Variants in ZNF208 observed in about 807,000 individuals in gnomAD.
ZNF208 encodes zinc finger protein 95.
A neutral mutation model predicts 12.1 loss-of-function variants in ZNF208; 10 were observed. The observed-to-expected ratio is 0.83, with a 90% CI of 0.51 to 1.40. ZNF208 has a LOEUF of 1.40. ZNF208 is among the 40% of genes most tolerant of loss of function. ZNF208 has a pLI of 0.00. For missense variants in ZNF208, 1,652 were observed against 1,485.0 expected (o/e 1.11, Z -1.85); for synonymous variants, 497 against 488.4 (o/e 1.02, Z -0.23).
At chr19:21,961,580 G>A (rs893739327), downstream of ZNF208, among the ~76,000 whole-genome samples, 1 of 152,026 alleles carries the variant, frequency 6.6e-6, no homozygotes, top group Non-Finnish European at 1.5e-5. Flanking sequence ...ACCCTAATAA[G>A]CCTGAGGGTA....
chr19:21,950,283 GC>G (rs1028637259), intron 4 of ZNF208, among the ~76,000 whole-genome samples: 2 of 151,980 alleles, frequency 1.3e-5, no homozygotes, highest in African/African-American at 2.4e-5. Flanking sequence ...CACTGTTGAT[GC>G]AAGCATAGAA....
At chr19:21,959,544 A>AT (rs1970030678) in intron 4 of ZNF208, among the ~76,000 whole-genome samples, 2 of 152,232 alleles carry the variant, frequency 1.3e-5, no homozygotes, top group African/African-American at 4.8e-5. Context: ...GGAGAAGACC[A>AT]GCTCAGCACA....
chr19:21,991,602 T>G (rs1970735097), intron 1 of ZNF208: 1 of 152,058 alleles, frequency 6.6e-6, no homozygotes, highest in African/African-American at 2.4e-5. Flanking sequence ...TAGCCAGGCA[T>G]GGTGGCGCAT....
intron 2 of ZNF208, among the ~76,000 whole-genome samples, chr19:21,987,634 C>T (rs1342661731): frequency 6.6e-6 from 1 of 152,150 alleles, no homozygotes; most frequent in African/African-American, 2.4e-5. Context: ...CTTTGAAGCA[C>T]TGGAATGTGG....
chr19:21,974,681 G>C lies in ZNF208; in HGVS notation c.353C>G (p.Thr118Ser). Residue 118 changes from threonine (T) to serine (S), a missense_variant, in exon 4 of 4, where the codon ACC becomes AGC. Thr to Ser is a moderately conservative substitution (Grantham distance 58). Coordinates refer to ENST00000397126, the MANE Select transcript of ZNF208 (RefSeq NM_007153.3). ...GTGCACCTTACACTCATCCACATTGGTATAACCAATTTTTAAGTGTAAATT... is the reference window on the plus strand; with the variant it reads ...GTGCACCTTACACTCATCCACATTGCTATAACCAATTTTTAAGTGTAAATT... ...HENLHLKIGY[T>S]NVDECKVHKE... 6.2e-7 allele frequency: 1 copy of C among 1,613,476 alleles called. No individual in the cohort carries two copies. Among genetic ancestry groups the C allele is most frequent in the Admixed American group, 1.7e-5 (1 of 59,960 alleles).
chr19:22,004,425 A>G (rs943682893), intron 1 of ZNF208, among the ~76,000 whole-genome samples: 12 of 152,036 alleles, frequency 7.9e-5, no homozygotes, highest in Non-Finnish European at 1.8e-4. Flanking sequence ...CTGTGGCAGA[A>G]TTGCTTGAAC....
At chr19:21,996,655 T>C (rs1970840224) in intron 1 of ZNF208, among the ~76,000 whole-genome samples, 3 of 152,184 alleles carry the variant, frequency 2.0e-5, no homozygotes, top group South Asian at 4.1e-4. Flanking sequence ...AGGTGTTACC[T>C]GAACATTTGT....
In ZNF208 at chr19:21,946,343, A is replaced by C. The variant is rs569157774; in HGVS notation, c.306-13106T>G. 5.3e-5 allele frequency among the ~76,000 whole-genome samples: 8 copies of C among 152,288 alleles called. 1 individual carries two copies. In the South Asian group the frequency reaches 1.7e-3, roughly 32 times the overall value. On this transcript the variant is annotated intron_variant, in intron 4 of 4. Coordinates refer to the ZNF208 transcript ENST00000599916. The stretch of plus-strand genomic sequence containing the variant: ...CTGATTGGTCTCAGGCCAAGGCCCC[A>C]GGCAAAGCTGAGTCACACATTCTCT...
intron 3 of ZNF208, among the ~76,000 whole-genome samples, chr19:21,981,651 A>C (rs1018618143): frequency 2.6e-5 from 4 of 152,158 alleles, no homozygotes; most frequent in African/African-American, 4.8e-5. Context: ...ACTGGCACAA[A>C]ACAGGGATGC....
At chr19:21,965,211 T>C (rs1178176493), downstream of ZNF208, among the ~76,000 whole-genome samples, 1 of 152,056 alleles carries the variant, frequency 6.6e-6, no homozygotes, top group Non-Finnish European at 1.5e-5. Flanking sequence ...AATCAGAAAC[T>C]ATAAATTTTT....
intron 1 of ZNF208, among the ~76,000 whole-genome samples, chr19:21,992,293 A>G (rs1970754795): frequency 6.6e-6 from 1 of 152,260 alleles, no homozygotes; most frequent in Non-Finnish European, 1.5e-5. Context: ...AGAAGGACGC[A>G]GCATTACTGC....
intron 3 of ZNF208, among the ~76,000 whole-genome samples, chr19:21,978,325 T>A (rs1281495526): frequency 6.6e-6 from 1 of 152,134 alleles, no homozygotes; most frequent in Non-Finnish European, 1.5e-5. Context: ...ACAAGAGAGC[T>A]CTGGCTGGCA....
At chr19:22,005,446 G>A (rs1431478994) in intron 1 of ZNF208, among the ~76,000 whole-genome samples, 1 of 152,066 alleles carries the variant, frequency 6.6e-6, no homozygotes, top group Non-Finnish European at 1.5e-5. Context: ...TCCAGGCCAG[G>A]AGTCTGTGAT....
In ZNF208 at chr19:22,006,644, G is replaced by A. The variant is rs1263212655; in HGVS notation, c.3+4148C>T. Among the ~76,000 whole-genome samples, 3 of 152,154 alleles carry A rather than the reference G, an allele frequency of 2.0e-5. No homozygotes were observed. The East Asian group carries it at 5.8e-4, about 29-fold the overall frequency. ...GGACATCTGCAGGAAAGGCTTTCCA[G>A]AAGGAACTAACTGGGCCTTTAATAA... On this transcript the variant is annotated intron_variant, in intron 1 of 3. Coordinates refer to ENST00000397126, the MANE Select transcript of ZNF208 (RefSeq NM_007153.3).
At chr19:22,001,989 G>C (rs868037388) in intron 1 of ZNF208, among the ~76,000 whole-genome samples, 1 of 146,840 alleles carries the variant, frequency 6.8e-6, no homozygotes, top group Admixed American at 6.9e-5. Flanking sequence ...ATATCAAAAA[G>C]CTAACCCACT....
In ZNF208 at chr19:21,973,529, C is replaced by T; in HGVS notation, c.1505G>A (p.Cys502Tyr). ...TGAGGACCAGTTGAAAGCTTTGCCACATTCTTCACATTTGTAGGGTTTCTC... is the reference window on the plus strand; with the variant it reads ...TGAGGACCAGTTGAAAGCTTTGCCATATTCTTCACATTTGTAGGGTTTCTC... The part of the protein sequence containing the change: ...AGEKPYKCEE[C>Y]GKAFNWSSNL... The change falls in exon 4 of 4, where the codon TGT (cysteine) becomes TAT (tyrosine). Residue 502 changes from cysteine to tyrosine, a missense_variant. This residue lies in a region of ZNF208 where 1,239 missense variants were observed against 1,086.2 expected (regional missense o/e 1.14). Transcript: ENST00000397126. 4.3e-6 allele frequency: 7 copies of T among 1,613,306 alleles called. No homozygotes were observed. Among genetic ancestry groups the T allele is most frequent in the Non-Finnish European group, 5.9e-6 (7 of 1,179,844 alleles).
At chr19:21,955,673 C>G (rs1298919664) in intron 4 of ZNF208, among the ~76,000 whole-genome samples, 1 of 152,158 alleles carries the variant, frequency 6.6e-6, no homozygotes, top group Non-Finnish European at 1.5e-5. Flanking sequence ...AGGTTTTCAG[C>G]TTCATTAGGT....
chr19:22,000,767 G>A (rs1033118136), intron 1 of ZNF208, among the ~76,000 whole-genome samples: 1 of 151,804 alleles, frequency 6.6e-6, no homozygotes, highest in African/African-American at 2.4e-5. Flanking sequence ...AGAGATCCAG[G>A]TATAAAATCT....
At chr19:22,000,994 A>AC (rs1241176197) in intron 1 of ZNF208, among the ~76,000 whole-genome samples, 2 of 152,144 alleles carry the variant, frequency 1.3e-5, no homozygotes, top group Non-Finnish European at 2.9e-5. Context: ...CACACACAAA[A>AC]ATCAAAGCCC....
Sources: allele counts gnomAD v4.1 joint callset (sites outside exome capture counted in the v4.1 genomes callset), GRCh38; gene constraint gnomAD v4.1.1; regional missense constraint gnomAD v4.1.1; transcripts MANE v1.5; gene names NCBI Gene and HGNC (gene_info 2026-07-23, HGNC 2026-07-21).